CFAP46: variants seen among roughly 807,000 people sequenced by gnomAD.
CFAP46 encodes the protein cilia and flagella associated protein 46, also known as cilia- and flagella-associated protein 46.
CFAP46 carries 245 observed loss-of-function variants against 325.7 expected under a neutral mutation model. The ratio of observed to expected loss-of-function variants is 0.75; its 90% CI spans 0.68 to 0.84. The LOEUF (loss-of-function observed/expected upper bound fraction) is 0.84. Among genes scored for constraint, CFAP46 ranks in the 40% least tolerant of loss-of-function variants. The pLI is 0.00. For synonymous variants in CFAP46, 1,523 were observed against 1,495.9 expected, an observed-to-expected ratio of 1.02 and a Z score of -0.42; for missense variants, 3,346 against 3,543.0, an observed-to-expected ratio of 0.94 and a Z score of 1.41.
chr10:132,862,079 G>A (rs886811064), intron 35 of CFAP46, among the ~76,000 whole-genome samples: 2 of 152,252 alleles, frequency 1.3e-5, no homozygotes, highest in African/African-American at 2.4e-5. Context: ...GCCAGACGGC[G>A]TAGGCAGGGC....
chr10:132,879,656 G>T, intron 28 of CFAP46, 25 bp from the exon 29 acceptor site: 1 of 1,484,066 alleles, frequency 6.7e-7, no homozygotes. Flanking sequence ...GCCCGAGGCT[G>T]AGAGCAGGCC....
chr10:132,876,844 A>T lies in CFAP46; in HGVS notation c.4330T>A (p.Ser1444Thr), dbSNP rs537646274. The change falls in exon 31 of 58, where the codon TCT becomes ACT. Residue 1444 changes from serine (S) to threonine (T), a missense_variant. Ser to Thr is a moderately conservative substitution (Grantham distance 58, BLOSUM62 1). Coordinates refer to ENST00000368586, the MANE Select transcript of CFAP46 (RefSeq NM_001200049.3). This position sits in a 1 kb window ranked among gnomAD's most constrained non-coding sequence, Gnocchi z 4.1. ...LSVLKQDRSD[S>T]TVNPSSIQKP... ...TGGATACTTGAGGGGTTCACAGTAG[A>T]GTCACTTCTGTCCTGTTTCAGTACA... 1.3e-6 allele frequency: 2 copies of T among 1,550,266 alleles called. No homozygotes were observed. The highest frequency in any genetic ancestry group is 2.4e-5 in the South Asian group (2 of 84,028).
intron 17 of CFAP46, among the ~76,000 whole-genome samples, chr10:132,913,714 A>G (rs978724521): frequency 1.6e-4 from 25 of 152,236 alleles, no homozygotes; most frequent in African/African-American, 5.8e-4. Flanking sequence ...CGCCCTCGCT[A>G]AAGAGAGTGT....
intron 35 of CFAP46, among the ~76,000 whole-genome samples, chr10:132,863,863 C>A (rs1207182252): frequency 6.9e-6 from 1 of 144,968 alleles, no homozygotes; most frequent in East Asian, 2.2e-4. Flanking sequence ...CTATCAGAGA[C>A]CTGCACACAC....
At position 132,808,678 on chromosome 10, in the gene CFAP46, G is replaced by A. The variant is rs762037492; in HGVS notation, c.7891C>T (p.Gln2631Ter). ...PHLPAPIPSS[Q>*]LALPFLGLSP... ...AGGCCCAGGAAGGGGAGAGCGAGCT[G>A]GGAGCTGGGGATGGGAGCCGGGAGG... The change falls in exon 58 of 58, where the codon CAG (glutamine) becomes TAG (stop). Residue 2631 changes from glutamine (Q) to a stop codon, truncating the protein, a stop_gained. Coordinates refer to ENST00000368586, the MANE Select transcript of CFAP46 (RefSeq NM_001200049.3). LOFTEE classifies it low-confidence loss of function (END_TRUNC). This position sits in a 1 kb window ranked among gnomAD's most constrained non-coding sequence, Gnocchi z 6.8. 1.6e-5 allele frequency: 25 copies of A among 1,577,622 alleles called. No individual in the cohort carries two copies. The highest frequency in any genetic ancestry group is 2.2e-5 in the Non-Finnish European group (25 of 1,161,400).
At position 132,919,343 on chromosome 10, in the gene CFAP46, G is replaced by C; in HGVS notation, c.1830C>G (p.Val610=). The C allele has an allele frequency of 6.5e-7, 1 of 1,550,126 alleles. No individual in the cohort carries two copies. Among genetic ancestry groups the C allele is most frequent in the Non-Finnish European group, 8.7e-7 (1 of 1,146,874 alleles). ...ASRFCLLYDN[V]KVKKLRLRRG... ...GCCGCAGCCTCAACTTCTTCACCTT[G>C]ACGTTGTCATACAGGAGGCAGAAGC... The change falls in exon 15 of 58, where the codon GTC becomes GTG. Residue 610 remains valine (V), a synonymous_variant. Transcript: ENST00000368586. The surrounding 1 kb of genome is among the most constrained non-coding windows in gnomAD (Gnocchi z 9.7).
chr10:132,873,423 C>T (rs112494053), intron 31 of CFAP46, among the ~76,000 whole-genome samples: 2 of 150,322 alleles, frequency 1.3e-5, no homozygotes, highest in African/African-American at 2.4e-5. Flanking sequence ...CATCCAGCGA[C>T]ACGAGCCTGG....
intron 24 of CFAP46, among the ~76,000 whole-genome samples, chr10:132,893,542 T>C (rs747578835): frequency 7.0e-4 from 106 of 152,292 alleles, no homozygotes; most frequent in Non-Finnish European, 1.4e-3. Context: ...CCTTTTTTCT[T>C]CCTTTCTACC....
chr10:132,870,186 G>A (rs1406587774), intron 32 of CFAP46, among the ~76,000 whole-genome samples: 1 of 152,168 alleles, frequency 6.6e-6, no homozygotes, highest in Non-Finnish European at 1.5e-5. Context: ...ATGAGACGGT[G>A]AACTGAGTCG....
At position 132,889,182 on chromosome 10, in the gene CFAP46, G is replaced by A. The variant is rs560790311; in HGVS notation, c.3304+3151C>T. On this transcript the variant is annotated intron_variant, in intron 25 of 57. Transcript: ENST00000368586. The surrounding 1 kb of genome is among the most constrained non-coding windows in gnomAD (Gnocchi z 6.0). ...GTCCGTGTCATCCTGCACCAGCCCC[G>A]TCATGCTATCAGCAGGACCCGCCTC... 1.5e-4 allele frequency among the ~76,000 whole-genome samples: 23 copies of A among 152,292 alleles called. No homozygotes were observed. The South Asian group carries it at 4.1e-3, about 27-fold the overall frequency.
intron 40 of CFAP46, 55 bp from the exon 41 acceptor site, chr10:132,850,487 G>GCTCA: frequency 6.8e-7 from 1 of 1,470,138 alleles, no homozygotes; most frequent in Non-Finnish European, 9.1e-7. Context: ...CGCCCACCCT[G>GCTCA]CCCAGGGGAC....
In CFAP46 at chr10:132,909,955, C is replaced by G. The variant is rs1324507019; in HGVS notation, c.2613G>C (p.Gln871His). The change falls in exon 20 of 58, where the codon CAG becomes CAC. Residue 871 changes from glutamine (Q) to histidine (H), a missense_variant. Transcript: ENST00000368586. ...TGCCCAGCCGTGGCCCAATCTGCTG[C>G]TGCAGCAGCTGCTTGGCCTTGACCC... The part of the protein sequence containing the change: ...ATWVKAKQLL[Q>H]QQIGPRLGTE... The G allele has an allele frequency of 6.5e-7, 1 of 1,528,460 alleles. No individual in the cohort carries two copies. The highest frequency in any genetic ancestry group is 2.1e-5 in the Admixed American group (1 of 47,994). 94.7% of individuals were successfully genotyped at this position (1,528,460 alleles called of 1,614,324 possible).
intron 33 of CFAP46, among the ~76,000 whole-genome samples, chr10:132,868,728 G>A (rs146205384): frequency 1.7e-3 from 253 of 152,286 alleles, no homozygotes; most frequent in African/African-American, 5.1e-3. Flanking sequence ...ACTATAAAAT[G>A]TATCACTTAC....
Position 132,939,640 on chromosome 10 carries a change from T to G in CFAP46, c.372-887A>C, listed in dbSNP as rs1850066670. ...TGACCCTAGGACAGGACTCATCCTG[T>G]TTCCAGGTTTTCAGGAGAGGAGCGG... On this transcript the variant is annotated intron_variant, in intron 4 of 57. Coordinates refer to ENST00000368586, the MANE Select transcript of CFAP46 (RefSeq NM_001200049.3). The surrounding 1 kb of genome is among the most constrained non-coding windows in gnomAD (Gnocchi z 4.6). Among the ~76,000 whole-genome samples, 2 of 152,142 alleles carry G rather than the reference T, an allele frequency of 1.3e-5. No individual in the cohort carries two copies. Among genetic ancestry groups the G allele is most frequent in the South Asian group, 4.1e-4 (2 of 4,820 alleles).
intron 1 of CFAP46, 140 bp from the exon 2 acceptor site, chr10:132,942,244 G>T: frequency 8.0e-7 from 1 of 1,251,236 alleles, no homozygotes; most frequent in Non-Finnish European, 1.1e-6. Flanking sequence ...CCGCCAGGGA[G>T]CAGCGGTGTG....
chr10:132,818,856 G>GAA (rs560908251), intron 50 of CFAP46, among the ~76,000 whole-genome samples: 4 of 84,740 alleles, frequency 4.7e-5, no homozygotes, highest in Non-Finnish European at 5.0e-5. Context: ...TCCATCTCCA[G>GAA]AAAAAAAAAA....
At chr10:132,907,048 G>A (rs1171142736) in intron 22 of CFAP46, among the ~76,000 whole-genome samples, 3 of 152,242 alleles carry the variant, frequency 2.0e-5, no homozygotes, top group East Asian at 1.9e-4. Flanking sequence ...TGTTGGCCTC[G>A]CATCCCCACG....
In CFAP46 at chr10:132,934,801, G is replaced by A; in HGVS notation, c.817C>T (p.His273Tyr). 1 of 1,613,120 alleles carries A rather than the reference G, an allele frequency of 6.2e-7. No homozygotes were observed. Among genetic ancestry groups the A allele is most frequent in the Non-Finnish European group, 8.5e-7 (1 of 1,179,244 alleles). The change falls in exon 8 of 58, where the codon CAC (histidine) becomes TAC (tyrosine). Residue 273 changes from histidine (H) to tyrosine (Y), a missense_variant. Coordinates refer to ENST00000368586, the MANE Select transcript of CFAP46 (RefSeq NM_001200049.3). The part of the protein sequence containing the change: ...ISVILRKAYR[H>Y]LGHYNHQRFP... ...CGCTGGTGGTTGTAATGACCTAAGTGTCTGTAGGCCTTCCTCAGAATGACA... is the reference window on the plus strand; with the variant it reads ...CGCTGGTGGTTGTAATGACCTAAGTATCTGTAGGCCTTCCTCAGAATGACA...
At chr10:132,879,740 G>A (rs1473353523) in intron 28 of CFAP46, 109 bp from the exon 29 acceptor site, 7 of 1,136,262 alleles carry the variant, frequency 6.2e-6, no homozygotes, top group South Asian at 3.5e-5. Flanking sequence ...GGTGCCTCGC[G>A]GACACCCGGT....
Sources: allele counts gnomAD v4.1 joint callset (sites outside exome capture counted in the v4.1 genomes callset), GRCh38; gene constraint gnomAD v4.1.1; non-coding constraint Gnocchi (gnomAD v3.1); transcripts MANE v1.5; gene names NCBI Gene and HGNC (gene_info 2026-07-23, HGNC 2026-07-21).